Variants in ZFAND3 observed in about 807,000 individuals in gnomAD.
The protein encoded by ZFAND3 is AN1-type zinc finger protein 3.
ZFAND3 carries 10 observed loss-of-function variants against 29.6 expected under a neutral mutation model. The observed-to-expected ratio is 0.34, with a 90% CI of 0.21 to 0.57. The LOEUF is 0.57. Among genes scored for constraint, ZFAND3 ranks in the 20% least tolerant of loss-of-function variants. The pLI, the probability that ZFAND3 is intolerant of heterozygous loss-of-function variation, is 0.86. For missense variants in ZFAND3, 230 were observed against 304.5 expected (o/e 0.76, Z 1.82); for synonymous variants, 128 against 112.6 (o/e 1.14, Z -0.87).
At chr6:37,983,650 C>T (rs1012245540) in intron 2 of ZFAND3, among the ~76,000 whole-genome samples, 1 of 152,090 alleles carries the variant, frequency 6.6e-6, no homozygotes, top group African/African-American at 2.4e-5. Flanking sequence ...TGAGCCACCC[C>T]CCACCCCTGG....
At chr6:37,897,023 T>C (rs1203858410) in intron 1 of ZFAND3, among the ~76,000 whole-genome samples, 1 of 152,210 alleles carries the variant, frequency 6.6e-6, no homozygotes, top group Non-Finnish European at 1.5e-5. Flanking sequence ...ATATCCTCTT[T>C]TTAAATTTAG....
chr6:38,109,059 A>G (rs182772358), intron 4 of ZFAND3, among the ~76,000 whole-genome samples: 48 of 152,256 alleles, frequency 3.2e-4, no homozygotes, highest in Middle Eastern at 6.8e-3. Flanking sequence ...CGTATTCAGC[A>G]TCATACCAGA....
At chr6:37,835,432 C>G (rs1298612826) in intron 1 of ZFAND3, among the ~76,000 whole-genome samples, 1 of 150,814 alleles carries the variant, frequency 6.6e-6, no homozygotes, top group South Asian at 2.1e-4. Context: ...GCTGGGATTA[C>G]AGGCGTGAGC....
intron 2 of ZFAND3, among the ~76,000 whole-genome samples, chr6:37,963,463 TA>T (rs1762235920): frequency 1.3e-5 from 2 of 151,704 alleles, no homozygotes; most frequent in African/African-American, 2.4e-5. Flanking sequence ...CCAAAATTAG[TA>T]GAAGAAAAAG....
chr6:37,895,459 C>CTTTTTTTTTTTTTTTTTTTTTTTTTTT (rs11331881), intron 1 of ZFAND3, among the ~76,000 whole-genome samples: 1 of 76,772 alleles, frequency 1.3e-5, no homozygotes, highest in African/African-American at 5.2e-5. Flanking sequence ...CTCAGAGGTT[C>CTTTTTTTTTTTTTTTTTTTTTTTTTTT]TTTTTTTTTT....
chr6:38,153,528 TA>T lies in ZFAND3; in HGVS notation c.*1140del. The T allele has an allele frequency of 1.0e-6, 1 of 985,640 alleles. No individual in the cohort carries two copies. Among genetic ancestry groups the T allele is most frequent in the Non-Finnish European group, 1.2e-6 (1 of 830,054 alleles). The allele number at this position is 985,640 out of a possible 1,614,324, so 61.1% of individuals were successfully genotyped here. A position where few individuals can be genotyped will look rare whatever the true frequency, so the allele number is the denominator to read the frequency against. ...CAGGGACAGTGGGTTTGGATCTGTC[TA>T]GAACAGCGGTTTGTGGCTGTGGCCC... On this transcript the variant is annotated 3_prime_UTR_variant, in exon 6 of 6. Transcript: ENST00000287218.
chr6:37,918,789 T>G (rs1179203310), intron 1 of ZFAND3, among the ~76,000 whole-genome samples: 1 of 152,100 alleles, frequency 6.6e-6, no homozygotes, highest in East Asian at 1.9e-4. Context: ...CAACCCCACC[T>G]ATTTTCAAAA....
intron 4 of ZFAND3, among the ~76,000 whole-genome samples, chr6:38,115,189 C>T (rs1765393115): frequency 6.6e-6 from 1 of 152,100 alleles, no homozygotes; most frequent in African/African-American, 2.4e-5. Context: ...CCATCAGGGG[C>T]CTGGGTGATA....
intron 5 of ZFAND3, among the ~76,000 whole-genome samples, chr6:38,125,304 G>A (rs1765614358): frequency 6.6e-6 from 1 of 152,188 alleles, no homozygotes; most frequent in Admixed American, 6.5e-5. Context: ...AACTTGAGAT[G>A]TTAGAGCAAA....
intron 2 of ZFAND3, among the ~76,000 whole-genome samples, chr6:38,048,291 C>T (rs1210335964): frequency 6.6e-6 from 1 of 152,044 alleles, no homozygotes; most frequent in Non-Finnish European, 1.5e-5. Context: ...GCATGAGCCA[C>T]CATGCCCGGC....
At chr6:37,885,109 C>G (rs1035006867) in intron 1 of ZFAND3, among the ~76,000 whole-genome samples, 3 of 152,090 alleles carry the variant, frequency 2.0e-5, no homozygotes, top group African/African-American at 7.2e-5. Context: ...AAGAGCATCT[C>G]TGGTGGCCAA....
chr6:37,929,768 T>TG (rs1459093100), intron 1 of ZFAND3, among the ~76,000 whole-genome samples, 191 bp from the exon 2 acceptor site: 2 of 151,802 alleles, frequency 1.3e-5, no homozygotes, highest in East Asian at 1.9e-4. Flanking sequence ...TTTTTGTTTT[T>TG]TTTTTTTAAT....
At chr6:37,905,284 A>G (rs12664856) in intron 1 of ZFAND3, among the ~76,000 whole-genome samples, 1 of 152,280 alleles carries the variant, frequency 6.6e-6, no homozygotes, top group East Asian at 1.9e-4. Context: ...ACTCTTGGGC[A>G]TTGACCCAAC....
chr6:37,822,482 A>G (rs574642424), intron 1 of ZFAND3, among the ~76,000 whole-genome samples: 3 of 152,244 alleles, frequency 2.0e-5, no homozygotes, highest in Non-Finnish European at 2.9e-5. Context: ...CCCTTACTGT[A>G]TGGGCCACAT....
intron 2 of ZFAND3, among the ~76,000 whole-genome samples, chr6:37,998,545 G>A (rs917015672): frequency 4.7e-4 from 72 of 151,880 alleles, no homozygotes; most frequent in African/African-American, 1.6e-3. Flanking sequence ...GGGGCGGGAG[G>A]GGGAGAGAAA....
chr6:38,077,081 T>G (rs914174539), intron 3 of ZFAND3, among the ~76,000 whole-genome samples: 1 of 151,982 alleles, frequency 6.6e-6, no homozygotes, highest in Non-Finnish European at 1.5e-5. Context: ...TGTTTCACTA[T>G]CTCCATTGCA....
At chr6:38,037,879 A>G (rs1223003810) in intron 2 of ZFAND3, among the ~76,000 whole-genome samples, 1 of 152,248 alleles carries the variant, frequency 6.6e-6, no homozygotes, top group Non-Finnish European at 1.5e-5. Context: ...GCAAAGTTGT[A>G]TGAATCAAAG....
At chr6:37,887,559 A>C (rs931154777) in intron 1 of ZFAND3, among the ~76,000 whole-genome samples, 1 of 152,234 alleles carries the variant, frequency 6.6e-6, no homozygotes, top group African/African-American at 2.4e-5. Context: ...TGATGGGAAG[A>C]ATCTTATCTA....
chr6:38,058,363 A>C (rs963704297), intron 2 of ZFAND3, among the ~76,000 whole-genome samples: 5 of 152,238 alleles, frequency 3.3e-5, no homozygotes, highest in African/African-American at 7.2e-5. Flanking sequence ...AGAGCTAATG[A>C]GATTACATGA....
Sources: allele counts gnomAD v4.1 joint callset (sites outside exome capture counted in the v4.1 genomes callset), GRCh38; gene constraint gnomAD v4.1.1; transcripts MANE v1.5; gene names NCBI Gene and HGNC (gene_info 2026-07-23, HGNC 2026-07-21).